Variants in ADAMTSL3 observed in about 807,000 individuals in gnomAD.
ADAMTSL3 encodes the protein ADAMTS like 3, also known as ADAMTS-like protein 3.
Under a neutral mutation model 201.7 loss-of-function variants are expected in ADAMTSL3, and 128 were observed. That is an observed-to-expected ratio of 0.63 (90% CI 0.55 to 0.73). ADAMTSL3 has a LOEUF of 0.73. Among genes scored for constraint, ADAMTSL3 ranks in the 30% least tolerant of loss-of-function variants. ADAMTSL3 has a pLI of 0.00. For missense variants in ADAMTSL3, 1,990 were observed against 2,119.6 expected (o/e 0.94, Z 1.20); for synonymous variants, 738 against 748.4 (o/e 0.99, Z 0.23).
intron 1 of ADAMTSL3, among the ~76,000 whole-genome samples, chr15:83,655,070 C>T (rs1451445220): frequency 6.6e-6 from 1 of 152,118 alleles, no homozygotes; most frequent in Non-Finnish European, 1.5e-5. Context: ...GGAAAAAGTC[C>T]CCGCTTCCCT....
chr15:83,900,505 A>C (rs2065702991), intron 15 of ADAMTSL3, among the ~76,000 whole-genome samples: 1 of 152,246 alleles, frequency 6.6e-6, no homozygotes, highest in Non-Finnish European at 1.5e-5. Flanking sequence ...GACTCAAGTA[A>C]TTGAACAGAA....
chr15:84,029,398 T>G (rs2068363692), intron 27 of ADAMTSL3, among the ~76,000 whole-genome samples: 1 of 152,134 alleles, frequency 6.6e-6, no homozygotes, highest in Non-Finnish European at 1.5e-5. Flanking sequence ...ATGGAGGCAT[T>G]TTGCCCCTGT....
intron 2 of ADAMTSL3, among the ~76,000 whole-genome samples, chr15:83,666,176 A>G (rs1311521029): frequency 1.3e-5 from 2 of 152,180 alleles, no homozygotes; most frequent in African/African-American, 2.4e-5. Flanking sequence ...AAAAAATTTA[A>G]TATTATGAGG....
At chr15:83,755,782 C>G (rs1402474330) in intron 3 of ADAMTSL3, among the ~76,000 whole-genome samples, 1 of 149,638 alleles carries the variant, frequency 6.7e-6, no homozygotes, top group Admixed American at 6.7e-5. Context: ...TTGAGACATT[C>G]TTACTCTGTC....
rs548977708 is a variant in ADAMTSL3 at position 83,758,978 on chromosome 15, G to A, written c.190-14545G>A. On this transcript the variant is annotated intron_variant, in intron 3 of 29. Transcript: ENST00000286744. ...ATTCTTGGGTGATTTTTTTCTTGTG[G>A]GATTTTGTAGGCACTGCTTCCTTGT... Among the ~76,000 whole-genome samples, 7 of 152,138 alleles carry A rather than the reference G, an allele frequency of 4.6e-5. No homozygotes were observed. The East Asian group carries it at 1.4e-3, about 29-fold the overall frequency.
At chr15:83,886,670 C>T (rs1333201920) in intron 10 of ADAMTSL3, among the ~76,000 whole-genome samples, 3 of 152,202 alleles carry the variant, frequency 2.0e-5, no homozygotes, top group Non-Finnish European at 4.4e-5. Context: ...CCTAGCTCCA[C>T]ATCTTTTCAA....
chr15:83,965,487 T>C (rs755249481), intron 19 of ADAMTSL3, among the ~76,000 whole-genome samples: 1 of 152,046 alleles, frequency 6.6e-6, no homozygotes, highest in Non-Finnish European at 1.5e-5. Flanking sequence ...GAGCTAACTG[T>C]CCTAAATATA....
chr15:83,907,261 G>A (rs2065856047), intron 15 of ADAMTSL3, among the ~76,000 whole-genome samples: 1 of 151,904 alleles, frequency 6.6e-6, no homozygotes. Flanking sequence ...TTCTATAATA[G>A]CAGGAGATTT....
chr15:83,681,583 G>C (rs2061476603), intron 2 of ADAMTSL3, among the ~76,000 whole-genome samples: 1 of 152,212 alleles, frequency 6.6e-6, no homozygotes. Context: ...CATATCAATA[G>C]TTCTGGTTGA....
At position 83,988,700 on chromosome 15, in the gene ADAMTSL3, G is replaced by C. The variant is rs369389171; in HGVS notation, c.3726G>C (p.Leu1242Phe). The C allele has an allele frequency of 3.8e-6, 6 of 1,596,644 alleles. No individual in the cohort carries two copies. Among genetic ancestry groups the C allele is most frequent in the Non-Finnish European group, 5.1e-6 (6 of 1,170,542 alleles). ...TCTAACTGTTCTACAGAATAATTTT[G>C]GATGGAACTGGGAAGATACAGATAC... ...TLLQPSVKIILDGTGKIQIQN... is the reference protein window; with the variant it reads ...TLLQPSVKIIFDGTGKIQIQN... Residue 1242 changes from leucine to phenylalanine, a missense_variant, in exon 22 of 30, where the codon TTG becomes TTC. Transcript: ENST00000286744.
intron 15 of ADAMTSL3, 98 bp from the exon 16 acceptor site, chr15:83,912,994 G>C: frequency 7.6e-7 from 1 of 1,322,452 alleles, no homozygotes; most frequent in Non-Finnish European, 1.0e-6. Flanking sequence ...AGTGAAGCTG[G>C]TTATTTTTGC....
chr15:83,936,191 CAGAG>C (rs2066457307), intron 17 of ADAMTSL3, among the ~76,000 whole-genome samples: 1 of 151,802 alleles, frequency 6.6e-6, no homozygotes, highest in African/African-American at 2.4e-5. Flanking sequence ...TTGTAAAACT[CAGAG>C]AGATTGATTA....
At chr15:83,716,338 A>G (rs989849369) in intron 3 of ADAMTSL3, among the ~76,000 whole-genome samples, 1 of 104,468 alleles carries the variant, frequency 9.6e-6, no homozygotes, top group African/African-American at 5.6e-5. Context: ...CCCTGTCTCT[A>G]CTAAAAACAC....
At chr15:83,719,941 C>T (rs2062074830) in intron 3 of ADAMTSL3, among the ~76,000 whole-genome samples, 1 of 152,118 alleles carries the variant, frequency 6.6e-6, no homozygotes, top group Non-Finnish European at 1.5e-5. Flanking sequence ...AATATTTGGC[C>T]TGGTGAGGTG....
At position 83,674,746 on chromosome 15, in the gene ADAMTSL3, C is replaced by CATAT. The variant is rs1194032697; in HGVS notation, c.69+18920_69+18923dup. ...ATATACATATATACACACATATATACATATATACACACATATATACATATA... is the reference window on the plus strand; with the variant it reads ...ATATACATATATACACACATATATACATATATATATACACACATATATACATATA... On this transcript the variant is annotated intron_variant, in intron 2 of 29. Coordinates refer to ENST00000286744, the MANE Select transcript of ADAMTSL3 (RefSeq NM_207517.3). 4.9e-4 allele frequency among the ~76,000 whole-genome samples: 50 copies of CATAT among 101,810 alleles called. 1 individual carries two copies. The highest frequency in any genetic ancestry group is 5.7e-4 in the Non-Finnish European group (28 of 48,702). 66.8% of individuals were successfully genotyped at this position (101,810 alleles called of 152,430 possible). A position where few individuals can be genotyped will look rare whatever the true frequency, so the allele number is the denominator to read the frequency against.
At chr15:83,880,983 T>C (rs2065258984) in intron 9 of ADAMTSL3, among the ~76,000 whole-genome samples, 1 of 152,236 alleles carries the variant, frequency 6.6e-6, no homozygotes. Context: ...AAGTTTGTGC[T>C]GTATATTGTG....
chr15:83,790,841 G>T (rs1198075763), intron 4 of ADAMTSL3, among the ~76,000 whole-genome samples: 1 of 152,164 alleles, frequency 6.6e-6, no homozygotes, highest in Admixed American at 6.5e-5. Context: ...GAAATCAATT[G>T]TATTTCTCTT....
chr15:83,747,185 T>G (rs2062560613), intron 3 of ADAMTSL3, among the ~76,000 whole-genome samples: 1 of 152,210 alleles, frequency 6.6e-6, no homozygotes, highest in South Asian at 2.1e-4. Context: ...GCCCTCTTGC[T>G]GCAAGTGTCT....
chr15:84,008,414 C>A (rs77488738), intron 23 of ADAMTSL3, among the ~76,000 whole-genome samples: 2,885 of 152,256 alleles, frequency 0.019, 55 homozygotes, highest in Non-Finnish European at 0.027. Context: ...GTTCTTAGGC[C>A]TTACCTTACT....
Sources: gnomAD v4.1 joint callset for allele counts (sites outside exome capture counted in the v4.1 genomes callset) on GRCh38, gnomAD v4.1.1 for gene constraint, MANE v1.5 for transcripts, NCBI Gene and HGNC (gene_info 2026-07-23, HGNC 2026-07-21) for gene names.